APLP1: variants seen among roughly 807,000 people sequenced by gnomAD.
APLP1 encodes amyloid beta (A4) precursor-like protein 1.
A neutral mutation model predicts 84.5 loss-of-function variants in APLP1; 46 were observed. The ratio of observed to expected loss-of-function variants is 0.54; its 90% CI spans 0.43 to 0.70. The LOEUF (loss-of-function observed/expected upper bound fraction) is 0.70. APLP1 is among the 30% of genes least tolerant of loss of function. The pLI, the probability that APLP1 is intolerant of heterozygous loss-of-function variation, is 0.00. For synonymous variants in APLP1, 376 were observed against 364.0 expected, an observed-to-expected ratio of 1.03 and a Z score of -0.38; for missense variants, 826 against 900.2, an observed-to-expected ratio of 0.92 and a Z score of 1.05.
Position 35,877,746 on chromosome 19 carries a change from T to A in APLP1, c.1473T>A (p.Gly491=). 1 of 1,610,020 alleles carries A rather than the reference T, an allele frequency of 6.2e-7. No individual in the cohort carries two copies. The highest frequency in any genetic ancestry group is 8.5e-7 in the Non-Finnish European group (1 of 1,178,902). ...IQELLHSEHL[G]PSELEAPAPG... ...AACTCCTCCACTCTGAACACCTGGG[T>A]CCCAGTGAATTGGAAGCCCCTGCCC... Residue 491 remains glycine (G), a synonymous_variant, in exon 12 of 17, where the codon GGT becomes GGA. Coordinates refer to ENST00000221891, the MANE Select transcript of APLP1 (RefSeq NM_001024807.3).
Position 35,873,723 on chromosome 19 carries a change from C to T in APLP1, c.1056+10C>T, listed in dbSNP as rs1450272016. 3.1e-6 allele frequency: 5 copies of T among 1,612,572 alleles called. No individual in the cohort carries two copies. The highest frequency in any genetic ancestry group is 2.5e-6 in the Non-Finnish European group (3 of 1,179,102). On this transcript the variant is annotated intron_variant, in intron 8 of 16. Coordinates refer to ENST00000221891, the MANE Select transcript of APLP1 (RefSeq NM_001024807.3). ...ACAGGCCCTGAATGAGGTAGGACAG[C>T]CCCAGTGGGTCCTACTCATGCCTGT... is the stretch of plus-strand genomic sequence containing the variant.
intron 4 of APLP1, 39 bp from the exon 5 acceptor site, chr19:35,871,573 A>G: frequency 6.2e-7 from 1 of 1,610,348 alleles, no homozygotes; most frequent in Middle Eastern, 1.7e-4. Context: ...ACCCCCTCCC[A>G]TCCCACAATC....
chr19:35,871,996 C>A lies in APLP1; in HGVS notation c.810C>A (p.Val270=). 1.2e-6 allele frequency: 2 copies of A among 1,613,994 alleles called. No homozygotes were observed. The highest frequency in any genetic ancestry group is 2.2e-5 in the South Asian group (2 of 91,074). ...AGGCTGAAGAGGAAGAGGAAACGGT[C>A]CCACCCCCAAGCTCCCATACACTTG... The part of the protein sequence containing the change: ...PPQAEEEEET[V]PPPSSHTLAV... Residue 270 remains valine, a synonymous_variant, in exon 6 of 17, where the codon GTC becomes GTA. Transcript: ENST00000221891.
intron 13 of APLP1, 35 bp downstream of exon 13, chr19:35,878,143 C>T: frequency 6.2e-7 from 1 of 1,601,612 alleles, no homozygotes; most frequent in East Asian, 2.2e-5. Flanking sequence ...GCCTCCAAAT[C>T]CCACTGAATC....
intron 2 of APLP1, chr19:35,870,258 C>A: frequency 5.1e-6 from 1 of 194,192 alleles, no homozygotes; most frequent in Non-Finnish European, 1.1e-5. Context: ...AGGGTGAGAC[C>A]TTTGGGGAGA....
At chr19:35,871,164 A>G (rs1599882857) in intron 3 of APLP1, 73 bp from the exon 4 acceptor site, 2 of 1,549,656 alleles carry the variant, frequency 1.3e-6, no homozygotes, top group East Asian at 2.4e-5. Context: ...TGAGGATAAA[A>G]TATCTGGATT....
rs1974324871 is a variant in APLP1 at position 35,878,089 on chromosome 19, C to T, written c.1560C>T (p.Thr520=). The T allele has an allele frequency of 6.2e-7, 1 of 1,612,786 alleles. No homozygotes were observed. Among genetic ancestry groups the T allele is most frequent in the Non-Finnish European group, 8.5e-7 (1 of 1,179,476 alleles). ...LQPPDSKDAD[T]PMTLPKGSTE... Reference sequence around the variant, plus strand: ...GCTTCCTCTGGCTGCCAGCAGACACCCCCATGACCCTTCCAAAAGGTGAGT... The same window carrying T: ...GCTTCCTCTGGCTGCCAGCAGACACTCCCATGACCCTTCCAAAAGGTGAGT... Residue 520 remains threonine, a synonymous_variant, in exon 13 of 17, where the codon ACC becomes ACT. Transcript: ENST00000221891.
chr19:35,876,261 A>G (rs1206035763), intron 10 of APLP1, among the ~76,000 whole-genome samples: 1 of 152,150 alleles, frequency 6.6e-6, no homozygotes, highest in African/African-American at 2.4e-5. Context: ...GCCTTGAACC[A>G]TGTCATTTCT....
chr19:35,868,780 C>T lies in APLP1; in HGVS notation c.144C>T (p.Ala48=). 7.7e-7 allele frequency: 1 copy of T among 1,291,284 alleles called. No individual in the cohort carries two copies. Among genetic ancestry groups the T allele is most frequent in the Non-Finnish European group, 9.8e-7 (1 of 1,021,260 alleles). The allele number at this position is 1,291,284 out of a possible 1,614,324, so 80.0% of individuals were successfully genotyped here. A position where few individuals can be genotyped will look rare whatever the true frequency, so the allele number is the denominator to read the frequency against. The change falls in exon 1 of 17, where the codon GCC becomes GCT. Residue 48 remains alanine, a synonymous_variant. Coordinates refer to ENST00000221891, the MANE Select transcript of APLP1 (RefSeq NM_001024807.3). The surrounding 1 kb of genome is among the most constrained non-coding windows in gnomAD (Gnocchi z 5.2). ...GSLAGGSPGA[A]EAPGSAQVAG... ...TGGCCGGTGGGAGCCCCGGCGCGGC[C>T]GAGGTGAGGCCGGGCCGGGTCCTGG...
Position 35,878,983 on chromosome 19 carries a change from G to C in APLP1, c.1713+31G>C, listed in dbSNP as rs766332326. 12 of 1,613,822 alleles carry C rather than the reference G, an allele frequency of 7.4e-6. No individual in the cohort carries two copies. In the African/African-American group the frequency reaches 1.6e-4, roughly 22 times the overall value. On this transcript the variant is annotated intron_variant, in intron 15 of 16. Transcript: ENST00000221891. ...AGGAGGAACAGCCGGGTACCTAGGG[G>C]AAGAGACCAGAGGTCAGCGGCCAGG...
At chr19:35,872,668 A>G in intron 7 of APLP1, 55 bp downstream of exon 7, 1 of 1,559,164 alleles carries the variant, frequency 6.4e-7, no homozygotes. Context: ...CCTAAATACC[A>G]GGAAATTCCT....
chr19:35,877,502 CA>C (rs79806779), intron 11 of APLP1, among the ~76,000 whole-genome samples: 17 of 117,380 alleles, frequency 1.4e-4, no homozygotes, highest in South Asian at 9.6e-4. Context: ...AAAAAAAAAA[CA>C]AAAAAAAAAC....
rs985865568 is a variant in APLP1 at position 35,878,946 on chromosome 19, T to C, written c.1707T>C (p.Asp569=). 10 of 1,613,792 alleles carry C rather than the reference T, an allele frequency of 6.2e-6. No individual in the cohort carries two copies. The African/African-American group carries it at 1.3e-4, about 22-fold the overall frequency. ...TCCACTCATCGGAGATTCAGAGGGA[T>C]GAGCTGGTAAGAGGAGGAACAGCCG... ...FPFHSSEIQR[D]ELAPAGTGVS... Residue 569 remains aspartate, a synonymous_variant, in exon 15 of 17, where the codon GAT becomes GAC. Transcript: ENST00000221891.
chr19:35,879,174 G>A lies in APLP1; in HGVS notation c.1814G>A (p.Arg605His), dbSNP rs369697025. 2.5e-6 allele frequency: 4 copies of A among 1,612,850 alleles called. No homozygotes were observed. Among genetic ancestry groups the A allele is most frequent in the South Asian group, 2.2e-5 (2 of 91,092 alleles). ...SLIVLSMLLL[R>H]RKKPYGAISH... ...ATCGTCCTCTCCATGCTGCTCCTGCGCAGGAAGAAGCCCTACGGGGCTATC... is the reference window on the plus strand; with the variant it reads ...ATCGTCCTCTCCATGCTGCTCCTGCACAGGAAGAAGCCCTACGGGGCTATC... Residue 605 changes from arginine to histidine, a missense_variant, in exon 16 of 17, where the codon CGC becomes CAC. Physicochemically the swap from Arg to His is conservative, Grantham distance 29. Transcript: ENST00000221891.
In APLP1 at chr19:35,871,662, C is replaced by T. The variant is rs766728900; in HGVS notation, c.588C>T (p.Pro196=). The T allele has an allele frequency of 2.5e-6, 4 of 1,614,130 alleles. No individual in the cohort carries two copies. In the South Asian group the frequency reaches 3.3e-5, roughly 13 times the overall value. ...LILHGSGMLL[P]CGSDRFRGVE... is the part of the protein sequence containing the mutation. ...TGCACGGCTCGGGCATGCTCTTACC[C>T]TGTGGCTCGGATCGGTTCCGTGGTG... is the stretch of plus-strand genomic sequence containing the variant. Residue 196 remains proline (P), a synonymous_variant, in exon 5 of 17, where the codon CCC becomes CCT. Coordinates refer to ENST00000221891, the MANE Select transcript of APLP1 (RefSeq NM_001024807.3).
In APLP1 at chr19:35,869,816, C is replaced by G; in HGVS notation, c.291+6C>G. ...TGCTGGAGTACTGCAGACAGGTGGG[C>G]GGGGCCGAACGGGAGAGGCGGGGCC... On this transcript the variant is annotated splice_donor_region_variant and intron_variant, in intron 2 of 16. Coordinates refer to ENST00000221891, the MANE Select transcript of APLP1 (RefSeq NM_001024807.3). The G allele has an allele frequency of 6.3e-7, 1 of 1,584,650 alleles. No homozygotes were observed. Among genetic ancestry groups the G allele is most frequent in the Non-Finnish European group, 8.6e-7 (1 of 1,167,080 alleles).
At chr19:35,876,703 T>A in intron 11 of APLP1, 87 bp downstream of exon 11, 1 of 1,098,234 alleles carries the variant, frequency 9.1e-7, no homozygotes, top group Non-Finnish European at 1.3e-6. Flanking sequence ...ATTTCATTTA[T>A]TCCTCTATAA....
At chr19:35,870,527 T>A (rs2146901515) in intron 2 of APLP1, 1 of 226,434 alleles carries the variant, frequency 4.4e-6, no homozygotes, top group African/African-American at 2.3e-5. Context: ...CTCACGCCTG[T>A]AATCGCAGCA....
At chr19:35,876,095 T>C (rs1439462926) in intron 10 of APLP1, among the ~76,000 whole-genome samples, 2 of 152,238 alleles carry the variant, frequency 1.3e-5, no homozygotes, top group African/African-American at 4.8e-5. Flanking sequence ...TTCTTGTTCC[T>C]TGAACCCTCT....
Sources: gnomAD v4.1 joint callset for allele counts (sites outside exome capture counted in the v4.1 genomes callset) on GRCh38, gnomAD v4.1.1 for gene constraint, Gnocchi (gnomAD v3.1) non-coding constraint, MANE v1.5 for transcripts, NCBI Gene and HGNC (gene_info 2026-07-23, HGNC 2026-07-21) for gene names.